ACY3: variants seen among roughly 807,000 people sequenced by gnomAD.
ACY3 encodes N-acyl-aromatic-L-amino acid amidohydrolase (carboxylate-forming).
A neutral mutation model predicts 24.6 loss-of-function variants in ACY3; 20 were observed. The observed-to-expected ratio is 0.81, with a 90% CI of 0.57 to 1.18. The LOEUF (loss-of-function observed/expected upper bound fraction) is 1.18, where lower values mean the gene tolerates loss of function less well. ACY3 is among the 50% of genes most tolerant of loss of function. ACY3 has a pLI of 0.00. For missense variants in ACY3, 423 were observed against 426.8 expected (o/e 0.99, Z 0.08); for synonymous variants, 174 against 188.4 (o/e 0.92, Z 0.62).
chr11:67,648,282 C>T (rs61894520), intron 1 of ACY3, among the ~76,000 whole-genome samples: 11,272 of 152,054 alleles, frequency 0.074, 542 homozygotes, highest in East Asian at 0.13. Flanking sequence ...GACTGTTCAG[C>T]GGCACACAGA....
chr11:67,642,773 G>T lies in ACY3; in HGVS notation c.911C>A (p.Thr304Asn). The change falls in exon 8 of 8, where the codon ACC (threonine) becomes AAC (asparagine). Residue 304 changes from threonine (T) to asparagine (N), a missense_variant. By Grantham distance (65) the Thr-to-Asn change is moderately conservative (BLOSUM62 0). Coordinates refer to ENST00000255082, the MANE Select transcript of ACY3 (RefSeq NM_080658.2). Reference protein sequence around the residue: ...AFVQTEKFTFTVPAMPALTPA... With the variant: ...AFVQTEKFTFNVPAMPALTPA... ...GGTCAGCGCGGGCATGGCAGGCACG[G>T]TGAATGTGAACTTCTCAGTCTGGAC... 2.5e-6 allele frequency: 4 copies of T among 1,614,154 alleles called. No individual in the cohort carries two copies. The highest frequency in any genetic ancestry group is 3.4e-6 in the Non-Finnish European group (4 of 1,180,036).
rs1285496395 is a variant in ACY3 at position 67,645,271 on chromosome 11, G to A, written c.526+16C>T. On this transcript the variant is annotated intron_variant, in intron 5 of 7. Coordinates refer to ENST00000255082, the MANE Select transcript of ACY3 (RefSeq NM_080658.2). ...CCCTCCTGGCCCCGCCCACTTCTCA[G>A]AAGGCTGCGGCCCACCCAGTCCATT... The A allele has an allele frequency of 2.5e-6, 4 of 1,613,102 alleles. No individual in the cohort carries two copies. The highest frequency in any genetic ancestry group is 3.4e-6 in the Non-Finnish European group (4 of 1,179,874).
In ACY3 at chr11:67,645,146, T is replaced by A; in HGVS notation, c.533A>T (p.Glu178Val). 1 of 1,612,070 alleles carries A rather than the reference T, an allele frequency of 6.2e-7. No homozygotes were observed. Among genetic ancestry groups the A allele is most frequent in the South Asian group, 1.1e-5 (1 of 90,984 alleles). The change falls in exon 6 of 8, where the codon GAG becomes GTG. Residue 178 changes from glutamate to valine, a missense_variant. Physicochemically the swap from Glu to Val is moderately radical, Grantham distance 121. Coordinates refer to ENST00000255082, the MANE Select transcript of ACY3 (RefSeq NM_080658.2). ...CACACCCTGTGGCTGGGGGCCCAGC[T>A]CCAGACCTGGGGACCAGGAAGCAAG... ...DSVAKNGLGL[E>V]LGPQPQGVLR...
intron 7 of ACY3, among the ~76,000 whole-genome samples, chr11:67,644,287 G>A (rs1304585793): frequency 6.6e-6 from 1 of 152,194 alleles, no homozygotes; most frequent in East Asian, 1.9e-4. Context: ...CAAGGGAAAG[G>A]TGTGGAAGCA....
chr11:67,649,607 T>G (rs1216054128), intron 1 of ACY3, among the ~76,000 whole-genome samples: 1 of 151,094 alleles, frequency 6.6e-6, no homozygotes, highest in African/African-American at 2.4e-5. Flanking sequence ...TGTGTGCGTG[T>G]GTGCACTCAC....
At chr11:67,649,518 C>T (rs1271759910) in intron 1 of ACY3, among the ~76,000 whole-genome samples, 1 of 150,912 alleles carries the variant, frequency 6.6e-6, no homozygotes, top group Non-Finnish European at 1.5e-5. Flanking sequence ...GCCCCCAGTC[C>T]TGGCAGTGTG....
At chr11:67,647,791 C>G (rs1168296341) in intron 1 of ACY3, among the ~76,000 whole-genome samples, 1 of 152,352 alleles carries the variant, frequency 6.6e-6, no homozygotes, top group East Asian at 1.9e-4. Flanking sequence ...CCCTGCCCTT[C>G]GTCCTTCTGC....
At position 67,645,904 on chromosome 11, in the gene ACY3, G is replaced by T. The variant is rs762179207; in HGVS notation, c.237-17C>A. 1.9e-6 allele frequency: 3 copies of T among 1,570,360 alleles called. No individual in the cohort carries two copies. The highest frequency in any genetic ancestry group is 2.6e-6 in the Non-Finnish European group (3 of 1,157,054). On this transcript the variant is annotated splice_polypyrimidine_tract_variant and intron_variant, in intron 3 of 7. Transcript: ENST00000255082. ...GGCCTGGAACTGTGGAGACGGGAAT[G>T]GGGGACACCGATCTTCACAGTCTCA...
chr11:67,646,312 G>T lies in ACY3; in HGVS notation c.237-425C>A, dbSNP rs116036646. The stretch of plus-strand genomic sequence containing the variant: ...AGGAAGCCTTCCCTGACTGCTCTCA[G>T]CCAGGTTAGCTGCTTTGTGTAGCCT... On this transcript the variant is annotated intron_variant, in intron 3 of 7. Coordinates refer to ENST00000255082, the MANE Select transcript of ACY3 (RefSeq NM_080658.2). Among the ~76,000 whole-genome samples, 72 of 152,360 alleles carry T rather than the reference G, an allele frequency of 4.7e-4. 1 individual carries two copies. Among genetic ancestry groups the T allele is most frequent in the African/African-American group, 1.6e-3 (68 of 41,584 alleles).
rs368141215 is a variant in ACY3 at position 67,642,822 on chromosome 11, A to G, written c.862T>C (p.Tyr288His). 2 of 1,614,008 alleles carry G rather than the reference A, an allele frequency of 1.2e-6. No individual in the cohort carries two copies. The highest frequency in any genetic ancestry group is 1.7e-6 in the Non-Finnish European group (2 of 1,180,024). The change falls in exon 8 of 8, where the codon TAC becomes CAC. Residue 288 changes from tyrosine to histidine, a missense_variant. Transcript: ENST00000255082. Reference protein sequence around the residue: ...VYPVFINEAAYYEKGVAFVQT... With the variant: ...VYPVFINEAAHYEKGVAFVQT... Reference sequence around the variant, plus strand: ...ACAAAGGCAACGCCCTTCTCATAGTAGGCAGCCTCGTTAATGAACACGGGG... The same window carrying G: ...ACAAAGGCAACGCCCTTCTCATAGTGGGCAGCCTCGTTAATGAACACGGGG...
rs113375534 is a variant in ACY3, at chr11:67,645,829, G to T, written c.295C>A (p.Leu99Met). The stretch of plus-strand genomic sequence containing the variant: ...TGGCCCGAGGCCTTGGGCCCCAGCA[G>T]CTGGTTCAGCTCTCGGGCTCTTGTC... ...EVTRARELNQ[L>M]LGPKASGQAF... is the part of the protein sequence containing the mutation. Residue 99 changes from leucine to methionine, a missense_variant, in exon 4 of 8, where the codon CTG (leucine) becomes ATG (methionine). By Grantham distance (15) the Leu-to-Met change is conservative (BLOSUM62 2). Coordinates refer to ENST00000255082, the MANE Select transcript of ACY3 (RefSeq NM_080658.2). 2 of 1,613,570 alleles carry T rather than the reference G, an allele frequency of 1.2e-6. No individual in the cohort carries two copies. The highest frequency in any genetic ancestry group is 8.5e-7 in the Non-Finnish European group (1 of 1,179,810).
At chr11:67,644,927 G>A in intron 6 of ACY3, 58 bp from the exon 7 acceptor site, 1 of 1,593,208 alleles carries the variant, frequency 6.3e-7, no homozygotes, top group Non-Finnish European at 8.6e-7. Context: ...GGGACAGACT[G>A]GGCCGTGGGG....
chr11:67,647,953 C>A (rs185709299), intron 1 of ACY3, among the ~76,000 whole-genome samples: 3 of 152,350 alleles, frequency 2.0e-5, no homozygotes, highest in African/African-American at 4.8e-5. Context: ...GCTGCCCCTC[C>A]TTCACCACCT....
chr11:67,644,697 C>T (rs1855472614), intron 7 of ACY3, 63 bp downstream of exon 7: 2 of 1,451,446 alleles, frequency 1.4e-6, no homozygotes, highest in Non-Finnish European at 9.3e-7. Context: ...GACAATCCTC[C>T]TCCCCAAGGC....
intron 1 of ACY3, among the ~76,000 whole-genome samples, chr11:67,650,281 TC>T (rs1855603669): frequency 6.6e-6 from 1 of 152,120 alleles, no homozygotes; most frequent in South Asian, 2.1e-4. Flanking sequence ...CAGCATCACC[TC>T]ATTGCAAGAT....
At chr11:67,644,667 C>A (rs967827864) in intron 7 of ACY3, 93 bp downstream of exon 7, 3 of 1,263,898 alleles carry the variant, frequency 2.4e-6, no homozygotes, top group African/African-American at 1.5e-5. Context: ...GGCTGCACCC[C>A]CTGGGGCTCA....
At chr11:67,649,647 T>C (rs943541908) in intron 1 of ACY3, among the ~76,000 whole-genome samples, 1 of 149,202 alleles carries the variant, frequency 6.7e-6, no homozygotes, top group Non-Finnish European at 1.5e-5. Flanking sequence ...CGTGTGTGCG[T>C]GCGTGTGTAC....
intron 7 of ACY3, among the ~76,000 whole-genome samples, chr11:67,643,592 C>T (rs949225392): frequency 5.3e-5 from 8 of 151,980 alleles, no homozygotes; most frequent in Admixed American, 2.6e-4. Context: ...GCAGGAGAAT[C>T]GCTTGAACTC....
intron 7 of ACY3, among the ~76,000 whole-genome samples, chr11:67,643,691 A>C (rs1453388391): frequency 6.6e-6 from 1 of 151,168 alleles, no homozygotes; most frequent in African/African-American, 2.4e-5. Flanking sequence ...TAAATAAATA[A>C]ATAAATTTTA....
Sources: gnomAD v4.1 joint callset for allele counts (sites outside exome capture counted in the v4.1 genomes callset) on GRCh38, gnomAD v4.1.1 for gene constraint, MANE v1.5 for transcripts, NCBI Gene and HGNC (gene_info 2026-07-23, HGNC 2026-07-21) for gene names.